DPP6: variants seen among roughly 807,000 people sequenced by gnomAD.
DPP6 encodes A-type potassium channel modulatory protein DPP6.
A neutral mutation model predicts 122.6 loss-of-function variants in DPP6; 69 were observed. The observed-to-expected ratio is 0.56, with a 90% CI of 0.46 to 0.69. The LOEUF is 0.69. Ranked by LOEUF, DPP6 falls within the 30% of genes least tolerant of loss-of-function variation. The pLI is 0.00. For missense variants in DPP6, 928 were observed against 1,116.9 expected, an observed-to-expected ratio of 0.83 and a Z score of 2.41; for synonymous variants, 418 against 433.1, an observed-to-expected ratio of 0.97 and a Z score of 0.43.
At chr7:154,467,897 T>C (rs573173534) in intron 2 of DPP6, among the ~76,000 whole-genome samples, 31 of 152,208 alleles carry the variant, frequency 2.0e-4, no homozygotes, top group Non-Finnish European at 4.0e-4. Flanking sequence ...AAAGGGCCTT[T>C]TGTGTGACTG....
chr7:154,063,660 G>A (rs6969975), intron 1 of DPP6, among the ~76,000 whole-genome samples: 4 of 92,742 alleles, frequency 4.3e-5, no homozygotes, highest in Non-Finnish European at 8.2e-5. Context: ...CCCCTCTGGC[G>A]CTTAGGACCC....
At chr7:154,150,297 G>A (rs1035717897) in intron 1 of DPP6, among the ~76,000 whole-genome samples, 131 of 152,254 alleles carry the variant, frequency 8.6e-4, no homozygotes, top group African/African-American at 3.0e-3. Flanking sequence ...CAGCACTTGG[G>A]CACCCACCTT....
At chr7:154,083,454 C>T (rs964305367) in intron 1 of DPP6, among the ~76,000 whole-genome samples, 2 of 151,266 alleles carry the variant, frequency 1.3e-5, no homozygotes, top group African/African-American at 4.9e-5. Flanking sequence ...CGTTGCCATC[C>T]TCCCTACCCA....
chr7:153,929,039 T>A (rs1344266695), intron 1 of DPP6, among the ~76,000 whole-genome samples: 1 of 152,056 alleles, frequency 6.6e-6, no homozygotes, highest in Non-Finnish European at 1.5e-5. Flanking sequence ...CCTACATACT[T>A]GGGCTTTACC....
rs566285894 is a variant in DPP6 at position 154,711,928 on chromosome 7, T to A, written c.763-15839T>A. Reference sequence around the variant, plus strand: ...GTTTAAGAAATATTAAGGGTGTAAATTGTCACTTAATACACACACACACAC... The same window carrying A: ...GTTTAAGAAATATTAAGGGTGTAAAATGTCACTTAATACACACACACACAC... On this transcript the variant is annotated intron_variant, in intron 7 of 25. Coordinates refer to ENST00000377770, the MANE Select transcript of DPP6 (RefSeq NM_130797.4). Among the ~76,000 whole-genome samples the A allele has an allele frequency of 2.9e-4, 26 of 89,860 alleles. 1 individual carries two copies. The South Asian group carries it at 9.4e-3, about 32-fold the overall frequency. The allele number at this position is 89,860 out of a possible 152,430, so 59.0% of individuals were successfully genotyped here.
At position 154,801,378 on chromosome 7, in the gene DPP6, G is replaced by A. The variant is rs749856674; in HGVS notation, c.1323G>A (p.Lys441=). The change falls in exon 13 of 26, where the codon AAG becomes AAA. Residue 441 remains lysine (K), a synonymous_variant. Transcript: ENST00000377770. The stretch of plus-strand genomic sequence containing the variant: ...AGAATGAAGAACCTGTGTTCTCCAA[G>A]GATGGCCGAAAGTTTTTCTTCATCA... The part of the protein sequence containing the change: ...HRQNEEPVFS[K]DGRKFFFIRA... The A allele has an allele frequency of 6.3e-7, 1 of 1,592,750 alleles. No homozygotes were observed.
rs147861983 is a variant in DPP6 at position 154,135,276 on chromosome 7, C to T, written c.243+82213C>T. ...ACTTCCTGTGAGCCCACATTTCCTC[C>T]GATGGTATACTTCCTGTGAGCACAC... On this transcript the variant is annotated intron_variant, in intron 1 of 25. Transcript: ENST00000377770. 5.4e-5 allele frequency among the ~76,000 whole-genome samples: 8 copies of T among 149,424 alleles called. No homozygotes were observed. In the East Asian group the frequency reaches 6.1e-4, roughly 11 times the overall value.
the DPP6 span, among the ~76,000 whole-genome samples, chr7:153,862,653 A>G: frequency 6.6e-6 from 1 of 152,244 alleles, no homozygotes; most frequent in Admixed American, 6.5e-5. Flanking sequence ...AATTAAAGAT[A>G]CAAACTCAGG....
intron 5 of DPP6, among the ~76,000 whole-genome samples, chr7:154,589,250 G>T (rs142187519): frequency 4.7e-4 from 72 of 152,212 alleles, no homozygotes; most frequent in African/African-American, 1.3e-3. Flanking sequence ...CAGTAACAGA[G>T]AATTTTGTTT....
chr7:154,029,833 G>A (rs1298002550), intron 1 of DPP6, among the ~76,000 whole-genome samples: 4 of 146,240 alleles, frequency 2.7e-5, no homozygotes, highest in Admixed American at 6.9e-5. Flanking sequence ...GTGACAGAGC[G>A]AAACTCCATC....
intron 6 of DPP6, 139 bp downstream of exon 6, chr7:154,638,012 C>T: frequency 1.1e-6 from 1 of 873,380 alleles, no homozygotes; most frequent in Non-Finnish European, 1.7e-6. Flanking sequence ...ATCGTGGCAC[C>T]TCTGGGACTC....
At position 153,935,846 on chromosome 7, in the gene DPP6, C is replaced by T. The variant is rs1801411993; in HGVS notation, c.51+48112C>T. Among the ~76,000 whole-genome samples the T allele has an allele frequency of 2.6e-5, 4 of 152,268 alleles. No individual in the cohort carries two copies. In the South Asian group the frequency reaches 8.3e-4, roughly 32 times the overall value. On this transcript the variant is annotated intron_variant, in intron 1 of 25. Coordinates refer to the DPP6 transcript ENST00000404039. Reference sequence around the variant, plus strand: ...GTGGGCTCCCCAGCCCACACCTGTGCCCCCTGATATTCTAAGGGCGGTTAT... The same window carrying T: ...GTGGGCTCCCCAGCCCACACCTGTGTCCCCTGATATTCTAAGGGCGGTTAT...
At chr7:153,785,504 T>C in the DPP6 span, among the ~76,000 whole-genome samples, 1 of 152,230 alleles carries the variant, frequency 6.6e-6, no homozygotes, top group South Asian at 2.1e-4. Flanking sequence ...AAGCATTTTC[T>C]AGGTCTACTC....
intron 1 of DPP6, among the ~76,000 whole-genome samples, chr7:154,168,243 C>T (rs1797353800): frequency 1.3e-5 from 2 of 152,152 alleles, no homozygotes; most frequent in Admixed American, 1.3e-4. Context: ...GCCTAGAAGA[C>T]CTTGCCTTAT....
At chr7:154,668,421 C>T (rs1041857781) in intron 6 of DPP6, among the ~76,000 whole-genome samples, 10 of 150,952 alleles carry the variant, frequency 6.6e-5, no homozygotes, top group African/African-American at 9.7e-5. Context: ...GGGGTTTCAC[C>T]GTGTTAGCCA....
chr7:154,855,278 G>A (rs2150582711), intron 17 of DPP6, among the ~76,000 whole-genome samples: 1 of 152,170 alleles, frequency 6.6e-6, no homozygotes, highest in South Asian at 2.1e-4. Flanking sequence ...CAAAACCAAA[G>A]CATAAGTAAT....
At chr7:154,890,454 C>A (rs1014217336) in intron 25 of DPP6, 5 of 152,268 alleles carry the variant, frequency 3.3e-5, no homozygotes, top group Non-Finnish European at 1.5e-5. Context: ...CACTTGAGTT[C>A]CCTTGTGAAA....
At chr7:153,982,333 T>C (rs1345409807) in intron 1 of DPP6, among the ~76,000 whole-genome samples, 1 of 151,772 alleles carries the variant, frequency 6.6e-6, no homozygotes, top group Non-Finnish European at 1.5e-5. Flanking sequence ...GCTTGATTGC[T>C]TCAGCTATTG....
At chr7:153,909,435 T>TAAA (rs11432396) in intron 1 of DPP6, among the ~76,000 whole-genome samples, 1 of 143,436 alleles carries the variant, frequency 7.0e-6, no homozygotes, top group African/African-American at 2.4e-5. Context: ...TTATCTATCT[T>TAAA]AAAAAAAACT....
Sources: allele counts gnomAD v4.1 joint callset (sites outside exome capture counted in the v4.1 genomes callset), GRCh38; gene constraint gnomAD v4.1.1; transcripts MANE v1.5; gene names NCBI Gene and HGNC (gene_info 2026-07-23, HGNC 2026-07-21).